AKAP6: variants seen among roughly 807,000 people sequenced by gnomAD.
The protein encoded by AKAP6 is A-kinase anchoring protein 6, also known as A-kinase anchor protein 6.
A neutral mutation model predicts 188.5 loss-of-function variants in AKAP6; 58 were observed. That is an observed-to-expected ratio of 0.31 (90% CI 0.25 to 0.38). The LOEUF is 0.38. Among genes scored for constraint, AKAP6 ranks in the 10% least tolerant of loss-of-function variants. AKAP6 has a pLI of 1.00. For missense variants in AKAP6, 2,710 were observed against 2,740.0 expected, an observed-to-expected ratio of 0.99 and a Z score of 0.24; for synonymous variants, 989 against 998.6, an observed-to-expected ratio of 0.99 and a Z score of 0.18.
At chr14:32,470,288 A>G (rs1222645394) in intron 2 of AKAP6, among the ~76,000 whole-genome samples, 5 of 152,198 alleles carry the variant, frequency 3.3e-5, no homozygotes, top group African/African-American at 1.2e-4. Flanking sequence ...ATTCAGATGC[A>G]CATTAAGATT....
chr14:32,504,870 A>G (rs1329762359), intron 2 of AKAP6, among the ~76,000 whole-genome samples: 2 of 152,198 alleles, frequency 1.3e-5, no homozygotes, highest in African/African-American at 4.8e-5. Flanking sequence ...TGTCTTTGTC[A>G]TCTGGGACTA....
rs112480784 is a variant in AKAP6, at chr14:32,726,532, A to G, written c.3001-5922A>G. Among the ~76,000 whole-genome samples the G allele has an allele frequency of 1.8e-4, 27 of 152,372 alleles. No individual in the cohort carries two copies. The South Asian group carries it at 2.3e-3, about 13-fold the overall frequency. ...TTGTGTTATTTTTGCAATAAGATAC[A>G]TGTCAACAGGCAAACATCTTGAAGA... On this transcript the variant is annotated intron_variant, in intron 9 of 13. Transcript: ENST00000280979.
intron 8 of AKAP6, among the ~76,000 whole-genome samples, chr14:32,692,156 G>A (rs1453137744): frequency 6.6e-6 from 1 of 152,140 alleles, no homozygotes; most frequent in Non-Finnish European, 1.5e-5. Context: ...GATAAAGGGT[G>A]AGTATCTGTA....
At chr14:32,646,720 C>T (rs921205354) in intron 7 of AKAP6, among the ~76,000 whole-genome samples, 1 of 152,086 alleles carries the variant, frequency 6.6e-6, no homozygotes, top group African/African-American at 2.4e-5. Context: ...TTTCTTTTCT[C>T]CCCTTCTTGA....
intron 7 of AKAP6, among the ~76,000 whole-genome samples, chr14:32,614,419 C>T (rs1183443135): frequency 6.6e-6 from 1 of 152,136 alleles, no homozygotes; most frequent in Non-Finnish European, 1.5e-5. Context: ...CAGTCTTGTG[C>T]AATGCCTTGA....
intron 11 of AKAP6, among the ~76,000 whole-genome samples, chr14:32,739,201 G>A (rs1385780577): frequency 1.5e-5 from 1 of 66,446 alleles, no homozygotes; most frequent in East Asian, 4.8e-4. Flanking sequence ...AGTATGATCT[G>A]CTATTTATAT....
intron 5 of AKAP6, among the ~76,000 whole-genome samples, chr14:32,598,181 T>G (rs1391923532): frequency 6.6e-6 from 1 of 152,224 alleles, no homozygotes; most frequent in Non-Finnish European, 1.5e-5. Flanking sequence ...TGGAACTGTA[T>G]CGTTTCAAAC....
chr14:32,817,118 T>C (rs2034398452), intron 12 of AKAP6, among the ~76,000 whole-genome samples: 1 of 152,146 alleles, frequency 6.6e-6, no homozygotes, highest in Non-Finnish European at 1.5e-5. Flanking sequence ...TTCCTTTATC[T>C]TTACTCTTTA....
intron 7 of AKAP6, among the ~76,000 whole-genome samples, chr14:32,621,820 G>T (rs927388565): frequency 6.6e-6 from 1 of 151,896 alleles, no homozygotes; most frequent in African/African-American, 2.4e-5. Context: ...TTTTAAGCAG[G>T]GTTATTTATG....
At chr14:32,435,557 G>T (rs752148852) in intron 2 of AKAP6, among the ~76,000 whole-genome samples, 4 of 152,134 alleles carry the variant, frequency 2.6e-5, no homozygotes, top group Non-Finnish European at 4.4e-5. Context: ...TGGTCAAAAG[G>T]TATTTCACAC....
At chr14:32,334,598 A>G (rs1886631520) in intron 1 of AKAP6, among the ~76,000 whole-genome samples, 3 of 152,196 alleles carry the variant, frequency 2.0e-5, no homozygotes, top group African/African-American at 7.2e-5. Flanking sequence ...ACAGGTATAT[A>G]TGTATAGGAA....
At chr14:32,481,873 A>T (rs1224074339) in intron 2 of AKAP6, among the ~76,000 whole-genome samples, 3 of 152,212 alleles carry the variant, frequency 2.0e-5, no homozygotes. Context: ...TTGAAAAATT[A>T]TCTCCAATTA....
chr14:32,492,351 T>TAGAG (rs1238554275), intron 2 of AKAP6, among the ~76,000 whole-genome samples: 1 of 54,906 alleles, frequency 1.8e-5, no homozygotes, highest in Non-Finnish European at 4.5e-5. Context: ...TATATATATA[T>TAGAG]ATATAGAGAG....
At chr14:32,763,117 A>G (rs1366415946) in intron 11 of AKAP6, among the ~76,000 whole-genome samples, 1 of 152,156 alleles carries the variant, frequency 6.6e-6, no homozygotes, top group African/African-American at 2.4e-5. Context: ...CAATAGAAAT[A>G]TGCTTGGTGA....
intron 9 of AKAP6, among the ~76,000 whole-genome samples, chr14:32,726,411 G>C (rs184726478): frequency 9.1e-4 from 138 of 152,294 alleles, no homozygotes; most frequent in African/African-American, 3.2e-3. Context: ...TTAGGTGTCA[G>C]GACATCATTT....
intron 2 of AKAP6, among the ~76,000 whole-genome samples, chr14:32,487,403 G>A (rs1566534057): frequency 6.6e-6 from 1 of 152,084 alleles, no homozygotes; most frequent in African/African-American, 2.4e-5. Context: ...GGTCATTTAT[G>A]TTTTTCTCTA....
rs879436938 is a variant in AKAP6 at position 32,708,172 on chromosome 14, G to C, written c.3000+12062G>C. ...CAATAGATGTAGGTGAATATCAACA[G>C]TAATTAGAAATGGTAGGTATAGAAG... On this transcript the variant is annotated intron_variant, in intron 9 of 13. Transcript: ENST00000280979. Among the ~76,000 whole-genome samples, 141 of 152,234 alleles carry C rather than the reference G, an allele frequency of 9.3e-4. 3 individuals carry two copies. In the East Asian group the frequency reaches 0.019, roughly 20 times the overall value.
chr14:32,535,714 G>A lies in AKAP6; in HGVS notation c.485G>A (p.Arg162Gln). Residue 162 changes from arginine to glutamine, a missense_variant, in exon 3 of 14, where the codon CGG (arginine) becomes CAG (glutamine). Physicochemically the swap from Arg to Gln is conservative, Grantham distance 43. This residue lies in a region of AKAP6 where 237 missense variants were observed against 313.9 expected (regional missense o/e 0.76). Coordinates refer to ENST00000280979, the MANE Select transcript of AKAP6 (RefSeq NM_004274.5). ...CTTCGAGTCTCAGTGCTGGTTCTGCGGGAGCGCATTCTGCAAGGTCTGCAG... is the reference window on the plus strand; with the variant it reads ...CTTCGAGTCTCAGTGCTGGTTCTGCAGGAGCGCATTCTGCAAGGTCTGCAG... ...HQLRVSVLVL[R>Q]ERILQGLQDA... is the part of the protein sequence containing the mutation. 3 of 1,614,070 alleles carry A rather than the reference G, an allele frequency of 1.9e-6. No individual in the cohort carries two copies. The highest frequency in any genetic ancestry group is 2.2e-5 in the East Asian group (1 of 44,882).
intron 12 of AKAP6, among the ~76,000 whole-genome samples, chr14:32,796,778 C>T (rs2033780125): frequency 6.6e-6 from 1 of 152,182 alleles, no homozygotes. Context: ...GCAATTGCAA[C>T]TAAAGCAAAA....
Sources: allele counts gnomAD v4.1 joint callset (sites outside exome capture counted in the v4.1 genomes callset), GRCh38; gene constraint gnomAD v4.1.1; regional missense constraint gnomAD v4.1.1; transcripts MANE v1.5; gene names NCBI Gene and HGNC (gene_info 2026-07-23, HGNC 2026-07-21).